The following ELAPOR2 variants were observed in gnomAD, a reference collection of about 807,000 sequenced individuals.
The protein encoded by ELAPOR2 is endosome/lysosome-associated apoptosis and autophagy regulator family member 2.
ELAPOR2 carries 89 observed loss-of-function variants against 120.7 expected under a neutral mutation model. The observed-to-expected ratio is 0.74, with a 90% CI of 0.62 to 0.88. The LOEUF (loss-of-function observed/expected upper bound fraction) is 0.88, where lower values mean the gene tolerates loss of function less well. ELAPOR2 is among the 40% of genes least tolerant of loss of function. ELAPOR2 has a pLI of 0.00. For missense variants in ELAPOR2, 1,134 were observed against 1,251.6 expected, an observed-to-expected ratio of 0.91 and a Z score of 1.42; for synonymous variants, 444 against 444.9, an observed-to-expected ratio of 1.00 and a Z score of 0.03.
At chr7:87,052,785 T>TGTTTTGTTTG (rs1795152250) in intron 1 of ELAPOR2, among the ~76,000 whole-genome samples, 1 of 145,118 alleles carries the variant, frequency 6.9e-6, no homozygotes, top group Non-Finnish European at 1.5e-5. Flanking sequence ...TCTTTTGTTT[T>TGTTTTGTTTG]GTTTTGTTTT....
At chr7:86,954,170 A>C (rs766258380) in intron 2 of ELAPOR2, among the ~76,000 whole-genome samples, 1 of 152,258 alleles carries the variant, frequency 6.6e-6, no homozygotes, top group East Asian at 1.9e-4. Flanking sequence ...TAATAATCCA[A>C]TGTGAGACTC....
At chr7:87,052,038 T>A (rs1333144974) in intron 1 of ELAPOR2, among the ~76,000 whole-genome samples, 1 of 152,234 alleles carries the variant, frequency 6.6e-6, no homozygotes, top group Non-Finnish European at 1.5e-5. Flanking sequence ...GATGTGATTA[T>A]TTAAGGAGTT....
At chr7:87,044,756 C>T (rs1231191342) in intron 1 of ELAPOR2, among the ~76,000 whole-genome samples, 2,954 of 150,222 alleles carry the variant, frequency 0.02, 124 homozygotes, top group African/African-American at 0.064. Context: ...AATTGACAAA[C>T]GGGATCTAAT....
At position 86,929,043 on chromosome 7, in the gene ELAPOR2, T is replaced by C. The variant is rs563376681; in HGVS notation, c.1090-2127A>G. On this transcript the variant is annotated intron_variant, in intron 8 of 21. Coordinates refer to ENST00000450689, the MANE Select transcript of ELAPOR2 (RefSeq NM_001142749.3). ...AGTTGAGATAAAACTATGAAATGTCTTATAAAACCAAAACCCTAATAAAGC... is the reference window on the plus strand; with the variant it reads ...AGTTGAGATAAAACTATGAAATGTCCTATAAAACCAAAACCCTAATAAAGC... Among the ~76,000 whole-genome samples, 5 of 152,052 alleles carry C rather than the reference T, an allele frequency of 3.3e-5. No individual in the cohort carries two copies. The East Asian group carries it at 5.8e-4, about 18-fold the overall frequency.
chr7:87,051,968 A>G (rs1224433714), intron 1 of ELAPOR2, among the ~76,000 whole-genome samples: 1 of 152,216 alleles, frequency 6.6e-6, no homozygotes, highest in African/African-American at 2.4e-5. Flanking sequence ...CATATAAAAG[A>G]TAATTAAGAA....
chr7:87,042,999 T>C (rs1025657320), intron 1 of ELAPOR2, among the ~76,000 whole-genome samples: 1 of 152,138 alleles, frequency 6.6e-6, no homozygotes, highest in Non-Finnish European at 1.5e-5. Context: ...ACAAATAAAC[T>C]AGAAAATCTA....
intron 1 of ELAPOR2, among the ~76,000 whole-genome samples, chr7:86,972,001 C>T (rs28615811): frequency 6.6e-6 from 1 of 152,146 alleles, no homozygotes; most frequent in African/African-American, 2.4e-5. Context: ...GCAACCATGG[C>T]TAGGTGAAGA....
rs1008406091 is a variant in ELAPOR2 at position 86,880,394 on chromosome 7, C to T, written c.*77G>A. 2.9e-6 allele frequency: 3 copies of T among 1,049,952 alleles called. No individual in the cohort carries two copies. The South Asian group carries it at 3.9e-5, about 14-fold the overall frequency. The allele number at this position is 1,049,952 out of a possible 1,614,324, so 65.0% of individuals were successfully genotyped here. On this transcript the variant is annotated 3_prime_UTR_variant, in exon 22 of 22. Transcript: ENST00000450689. Reference sequence around the variant, plus strand: ...ATCACCAATGTGACAGGTATGAGGACAGACCCTAAAATATGGTCCTGTAAA... The same window carrying T: ...ATCACCAATGTGACAGGTATGAGGATAGACCCTAAAATATGGTCCTGTAAA...
At chr7:86,889,582 G>A (rs1271721933) in intron 21 of ELAPOR2, among the ~76,000 whole-genome samples, 3 of 151,910 alleles carry the variant, frequency 2.0e-5, no homozygotes, top group African/African-American at 7.3e-5. Context: ...GGGGGGACAA[G>A]GCAGTACAGT....
chr7:87,025,508 T>C (rs1202420470), intron 1 of ELAPOR2, among the ~76,000 whole-genome samples: 4 of 152,066 alleles, frequency 2.6e-5, no homozygotes, highest in African/African-American at 9.7e-5. Flanking sequence ...GGTCACACAA[T>C]TAATGACAAG....
chr7:86,926,920 CAAAAAAAAAA>C lies in ELAPOR2; in HGVS notation c.1090-14_1090-5del, dbSNP rs397698585. On this transcript the variant is annotated splice_polypyrimidine_tract_variant and splice_region_variant and intron_variant, in intron 8 of 21. Transcript: ENST00000450689. ...TCCACTTGTACATTATCTGTGTCTA[CAAAAAAAAAA>C]AAAAAAAAAAAGCAACCAAGTCATA... 6.7e-6 allele frequency: 6 copies of C among 891,312 alleles called. No individual in the cohort carries two copies. The highest frequency in any genetic ancestry group is 5.2e-5 in the South Asian group (1 of 19,270). The allele number at this position is 891,312 out of a possible 1,614,324, so 55.2% of individuals were successfully genotyped here.
chr7:87,029,341 ATTC>A (rs1794354160), intron 1 of ELAPOR2, among the ~76,000 whole-genome samples: 2 of 152,192 alleles, frequency 1.3e-5, no homozygotes, highest in Non-Finnish European at 2.9e-5. Flanking sequence ...TACACAAGGG[ATTC>A]TTAACCCTGG....
At chr7:86,960,892 T>G (rs1464465366) in intron 2 of ELAPOR2, among the ~76,000 whole-genome samples, 1 of 152,172 alleles carries the variant, frequency 6.6e-6, no homozygotes, top group Admixed American at 6.5e-5. Flanking sequence ...AAAAAGTCTG[T>G]ATTTGATTTT....
At chr7:86,925,432 T>A (rs1415506067) in intron 10 of ELAPOR2, 96 bp downstream of exon 10, 2 of 1,271,336 alleles carry the variant, frequency 1.6e-6, no homozygotes, top group Admixed American at 3.7e-5. Context: ...TTGAAGTTCC[T>A]CATACCCATA....
At position 86,927,584 on chromosome 7, in the gene ELAPOR2, T is replaced by C. The variant is rs575453324; in HGVS notation, c.1090-668A>G. Among the ~76,000 whole-genome samples the C allele has an allele frequency of 1.4e-3, 208 of 151,886 alleles. 1 individual carries two copies. Among genetic ancestry groups the C allele is most frequent in the African/African-American group, 4.7e-3 (197 of 41,480 alleles). On this transcript the variant is annotated intron_variant, in intron 8 of 21. Coordinates refer to ENST00000450689, the MANE Select transcript of ELAPOR2 (RefSeq NM_001142749.3). ...AGTCTTTTAAACTCTGCCCTTTTAT[T>C]CTCTCACACTCATTCATTCACCCCC...
In ELAPOR2 at chr7:86,926,905, C is replaced by T. The variant is rs1049895824; in HGVS notation, c.1101G>A (p.Met367Ile). Residue 367 changes from methionine (M) to isoleucine (I), a missense_variant, in exon 9 of 22, where the codon ATG becomes ATA. Around this residue, in one of 3 missense-constraint regions of ELAPOR2, gnomAD observed 831 missense variants for 867.6 expected, o/e 0.96. Transcript: ENST00000450689. ...PCDEEGKTQI[M>I]YKWIEPKICR... ...AGATTTTGGGCTCTATCCACTTGTA[C>T]ATTATCTGTGTCTACAAAAAAAAAA... 27 of 610,078 alleles carry T rather than the reference C, an allele frequency of 4.4e-5. No homozygotes were observed. The highest frequency in any genetic ancestry group is 5.7e-5 in the Non-Finnish European group (23 of 400,166). 37.8% of individuals were successfully genotyped at this position (610,078 alleles called of 1,614,324 possible).
chr7:86,908,310 G>T, intron 17 of ELAPOR2, 137 bp downstream of exon 17: 1 of 557,312 alleles, frequency 1.8e-6, no homozygotes. Flanking sequence ...TGACATAGTT[G>T]ATCTTCTCTG....
At chr7:86,881,071 T>C (rs115822380) in intron 21 of ELAPOR2, among the ~76,000 whole-genome samples, 1 of 152,308 alleles carries the variant, frequency 6.6e-6, no homozygotes, top group African/African-American at 2.4e-5. Context: ...TCTTTGATAA[T>C]AGGTCAAAAT....
intron 1 of ELAPOR2, among the ~76,000 whole-genome samples, chr7:87,022,245 A>G (rs1487662829): frequency 6.9e-5 from 7 of 102,086 alleles, no homozygotes; most frequent in Non-Finnish European, 1.3e-4. Context: ...CCACCCCACA[A>G]CAGGCCCCAG....
Sources: allele counts gnomAD v4.1 joint callset (sites outside exome capture counted in the v4.1 genomes callset), GRCh38; gene constraint gnomAD v4.1.1; regional missense constraint gnomAD v4.1.1; transcripts MANE v1.5; gene names NCBI Gene and HGNC (gene_info 2026-07-23, HGNC 2026-07-21).